The following GCNT1 variants were observed in gnomAD, a reference collection of about 807,000 sequenced individuals.
The protein encoded by GCNT1 is glucosaminyl (N-acetyl) transferase 1, also known as beta-1,3-galactosyl-O-glycosyl-glycoprotein beta-1,6-N-acetylglucosaminyltransferase.
A neutral mutation model predicts 26.2 loss-of-function variants in GCNT1; 16 were observed. That is an observed-to-expected ratio of 0.61 (90% CI 0.41 to 0.93). The LOEUF is 0.93. GCNT1 is among the 40% of genes least tolerant of loss of function. The probability of loss-of-function intolerance (pLI) is 0.00; values close to 1 mark genes in which losing one functional copy is unlikely to be tolerated. For synonymous variants in GCNT1, 183 were observed against 190.8 expected (o/e 0.96, Z 0.34); for missense variants, 477 against 526.7 (o/e 0.91, Z 0.92).
intron 2 of GCNT1, among the ~76,000 whole-genome samples, chr9:76,470,603 C>CAAAA (rs10564028): frequency 2.1e-5 from 2 of 94,224 alleles, no homozygotes; most frequent in Non-Finnish European, 4.3e-5. Flanking sequence ...GACCCTGTCC[C>CAAAA]AAAAAAAAAA....
intron 2 of GCNT1, among the ~76,000 whole-genome samples, chr9:76,467,901 T>G (rs976745059): frequency 3.6e-5 from 4 of 111,102 alleles, no homozygotes; most frequent in African/African-American, 1.2e-4. Flanking sequence ...TTCAGTGTTT[T>G]TTTTTTTTTT....
At chr9:76,416,819 G>C (rs897491980), upstream of GCNT1, among the ~76,000 whole-genome samples, 1 of 152,246 alleles carries the variant, frequency 6.6e-6, no homozygotes, top group Admixed American at 6.5e-5. Flanking sequence ...AGCGCTTTGA[G>C]AGGCTGAGGC....
At position 76,503,923 on chromosome 9, in the gene GCNT1, G is replaced by T; in HGVS notation, c.*255G>T. ...CCTTGAGGCCAGAGCAGGTAGCAAG[G>T]CATTGTGGAAAGAGGGGACCAGGGT... On this transcript the variant is annotated 3_prime_UTR_variant, in exon 4 of 4. Coordinates refer to ENST00000376730, the MANE Select transcript of GCNT1 (RefSeq NM_001490.5). 1 of 485,934 alleles carries T rather than the reference G, an allele frequency of 2.1e-6. No individual in the cohort carries two copies. The allele number at this position is 485,934 out of a possible 1,614,324, so 30.1% of individuals were successfully genotyped here. A position where few individuals can be genotyped will look rare whatever the true frequency, so the allele number is the denominator to read the frequency against.
intron 1 of GCNT1, among the ~76,000 whole-genome samples, chr9:76,453,006 C>A (rs1417894380): frequency 6.6e-6 from 1 of 152,238 alleles, no homozygotes; most frequent in Non-Finnish European, 1.5e-5. Flanking sequence ...TCACACAGCC[C>A]CTGCTGCTTC....
At position 76,504,123 on chromosome 9, in the gene GCNT1, T is replaced by G. The variant is rs1825170313; in HGVS notation, c.*455T>G. The G allele has an allele frequency of 5.0e-6, 1 of 199,988 alleles. No individual in the cohort carries two copies. Among genetic ancestry groups the G allele is most frequent in the Non-Finnish European group, 1.2e-5 (1 of 86,404 alleles). 12.4% of individuals were successfully genotyped at this position (199,988 alleles called of 1,614,324 possible). A position where few individuals can be genotyped will look rare whatever the true frequency, so the allele number is the denominator to read the frequency against. On this transcript the variant is annotated 3_prime_UTR_variant, in exon 4 of 4. Transcript: ENST00000376730. ...ATCAAAGATACAATTAATCTGATATTATATTTGTTGAAATAGAAATTTGAT... is the reference window on the plus strand; with the variant it reads ...ATCAAAGATACAATTAATCTGATATGATATTTGTTGAAATAGAAATTTGAT...
chr9:76,496,642 A>G (rs1424203866), intron 2 of GCNT1, among the ~76,000 whole-genome samples: 2 of 152,118 alleles, frequency 1.3e-5, no homozygotes, highest in Admixed American at 6.5e-5. Flanking sequence ...CCTGATACCT[A>G]TCTTCTTTTT....
At chr9:76,456,281 T>C (rs1019611483), upstream of GCNT1, among the ~76,000 whole-genome samples, 3 of 152,164 alleles carry the variant, frequency 2.0e-5, no homozygotes, top group African/African-American at 7.2e-5. Context: ...CAACAGCTGG[T>C]TCCAGTTTCT....
At chr9:76,406,496 C>CAA in the GCNT1 span, among the ~76,000 whole-genome samples, 3 of 62,438 alleles carry the variant, frequency 4.8e-5, no homozygotes, top group African/African-American at 1.2e-4. Context: ...GACCCTGTCT[C>CAA]AAAAAAAAAA....
At chr9:76,453,836 G>A (rs192166678) in intron 1 of GCNT1, among the ~76,000 whole-genome samples, 83 of 152,314 alleles carry the variant, frequency 5.4e-4, no homozygotes, top group Non-Finnish European at 9.1e-4. Context: ...GGTGGGGCTG[G>A]TGGAGGTCCC....
chr9:76,494,578 C>A (rs1441174318), intron 2 of GCNT1, among the ~76,000 whole-genome samples: 3 of 152,142 alleles, frequency 2.0e-5, no homozygotes, highest in Non-Finnish European at 4.4e-5. Context: ...AAAATTATTT[C>A]TTTCTGATTG....
chr9:76,495,584 A>C (rs888722042), intron 2 of GCNT1, among the ~76,000 whole-genome samples: 1 of 152,080 alleles, frequency 6.6e-6, no homozygotes, highest in African/African-American at 2.4e-5. Context: ...CATTTTACAC[A>C]GTGCTGATTG....
intron 2 of GCNT1, among the ~76,000 whole-genome samples, chr9:76,469,279 G>C (rs1455033565): frequency 6.6e-6 from 1 of 152,172 alleles, no homozygotes; most frequent in Non-Finnish European, 1.5e-5. Flanking sequence ...GAATCCCTAA[G>C]CCTAGCTGGG....
intron 2 of GCNT1, among the ~76,000 whole-genome samples, chr9:76,463,976 G>A (rs564847510): frequency 2.0e-5 from 3 of 151,742 alleles, no homozygotes; most frequent in Admixed American, 6.6e-5. Flanking sequence ...TGGGAGAATC[G>A]CTTGAGGCCA....
chr9:76,504,912 G>A lies in GCNT1; in HGVS notation c.*1244G>A. 2.4e-6 allele frequency: 1 copy of A among 411,408 alleles called. No individual in the cohort carries two copies. The allele number at this position is 411,408 out of a possible 1,614,324, so 25.5% of individuals were successfully genotyped here. ...GGGAGGGAACTTTGGGTTTGGGACA[G>A]ATTTTTTTTTTTGTTTTTGGTATCA... is the stretch of plus-strand genomic sequence containing the variant. On this transcript the variant is annotated 3_prime_UTR_variant, in exon 4 of 4. Coordinates refer to ENST00000376730, the MANE Select transcript of GCNT1 (RefSeq NM_001490.5).
At chr9:76,477,025 G>A (rs988923276) in intron 2 of GCNT1, among the ~76,000 whole-genome samples, 1 of 151,896 alleles carries the variant, frequency 6.6e-6, no homozygotes, top group African/African-American at 2.4e-5. Context: ...AGCGAGTCTC[G>A]TGCCTCAGCG....
chr9:76,483,966 C>T (rs1341454481), intron 2 of GCNT1, among the ~76,000 whole-genome samples: 3 of 152,168 alleles, frequency 2.0e-5, no homozygotes, highest in Non-Finnish European at 2.9e-5. Flanking sequence ...AAGTGTGTGC[C>T]ACCATGCCTG....
At chr9:76,464,491 A>T (rs759223359) in intron 2 of GCNT1, among the ~76,000 whole-genome samples, 3 of 152,218 alleles carry the variant, frequency 2.0e-5, no homozygotes, top group Non-Finnish European at 4.4e-5. Flanking sequence ...TGCTGGGATT[A>T]CAGGTGTAAG....
chr9:76,464,417 A>G (rs140577417), intron 2 of GCNT1, among the ~76,000 whole-genome samples: 17,602 of 152,076 alleles, frequency 0.12, 1,130 homozygotes, highest in Middle Eastern at 0.22. Flanking sequence ...GGGTTTTGCC[A>G]TGTTGCCCAG....
chr9:76,480,665 G>T (rs535751388), intron 2 of GCNT1, among the ~76,000 whole-genome samples: 1 of 152,154 alleles, frequency 6.6e-6, no homozygotes, highest in African/African-American at 2.4e-5. Context: ...TTCTGTTAAC[G>T]TGCTAATAAA....
Sources: allele counts gnomAD v4.1 joint callset (sites outside exome capture counted in the v4.1 genomes callset), GRCh38; gene constraint gnomAD v4.1.1; transcripts MANE v1.5; gene names NCBI Gene and HGNC (gene_info 2026-07-23, HGNC 2026-07-21).